WARS2: variants seen among roughly 807,000 people sequenced by gnomAD.
WARS2 encodes the protein tryptophanyl tRNA synthetase 2, mitochondrial.
A neutral mutation model predicts 36.5 loss-of-function variants in WARS2; 28 were observed. The observed-to-expected ratio is 0.77, with a 90% CI of 0.57 to 1.05. The LOEUF is 1.05. Ranked by LOEUF, WARS2 falls within the 50% of genes least tolerant of loss-of-function variation. The pLI, the probability that WARS2 is intolerant of heterozygous loss-of-function variation, is 0.00. For missense variants in WARS2, 435 were observed against 456.8 expected (o/e 0.95, Z 0.44); for synonymous variants, 174 against 178.4 (o/e 0.98, Z 0.20).
intron 2 of WARS2, among the ~76,000 whole-genome samples, chr1:119,069,169 T>C (rs1448021306): frequency 6.6e-6 from 1 of 152,184 alleles, no homozygotes; most frequent in Non-Finnish European, 1.5e-5. Flanking sequence ...CTTTATAATT[T>C]AGCTGTAAGT....
intron 1 of WARS2, among the ~76,000 whole-genome samples, chr1:119,103,488 T>A (rs745788145): frequency 3.3e-5 from 5 of 152,154 alleles, no homozygotes; most frequent in Non-Finnish European, 7.3e-5. Flanking sequence ...ATTTTAATTA[T>A]CATATGCCAC....
At chr1:119,095,673 C>T (rs1466141524) in intron 1 of WARS2, among the ~76,000 whole-genome samples, 2 of 152,164 alleles carry the variant, frequency 1.3e-5, no homozygotes, top group South Asian at 2.1e-4. Context: ...CCTCGTGATC[C>T]ACCTGCCTCG....
At chr1:119,133,254 T>C (rs780966996) in intron 1 of WARS2, among the ~76,000 whole-genome samples, 36 of 152,208 alleles carry the variant, frequency 2.4e-4, no homozygotes, top group Non-Finnish European at 4.1e-4. Context: ...TCATAATTCA[T>C]TGAGCGAAAC....
At chr1:119,081,170 A>G (rs1245103290) in intron 1 of WARS2, among the ~76,000 whole-genome samples, 1 of 152,210 alleles carries the variant, frequency 6.6e-6, no homozygotes, top group Non-Finnish European at 1.5e-5. Context: ...GACATAGCTG[A>G]AACTATTCCT....
At chr1:119,038,283 T>C (rs1224710760) in intron 4 of WARS2, among the ~76,000 whole-genome samples, 1 of 152,148 alleles carries the variant, frequency 6.6e-6, no homozygotes, top group Non-Finnish European at 1.5e-5. Context: ...ACTACAGAAA[T>C]GAGTAGCTTC....
chr1:119,056,186 A>AT (rs751264352), intron 2 of WARS2, among the ~76,000 whole-genome samples: 17,164 of 116,112 alleles, frequency 0.15, 1,380 homozygotes, highest in Non-Finnish European at 0.17. Context: ...TGCCTGGCTA[A>AT]TTTTTTTTTT....
At chr1:119,041,493 C>T (rs1019632265) in intron 4 of WARS2, among the ~76,000 whole-genome samples, 2 of 152,164 alleles carry the variant, frequency 1.3e-5, no homozygotes, top group African/African-American at 4.8e-5. Flanking sequence ...AGGAAAAGTA[C>T]AGGTACCCTA....
At chr1:119,085,833 C>G in intron 1 of WARS2, 1 of 1,610,448 alleles carries the variant, frequency 6.2e-7, no homozygotes, top group African/African-American at 1.3e-5. Context: ...AGGAAGCCCT[C>G]CCAGGAAGAT....
rs1198534426 is a variant in WARS2, at chr1:119,077,867, C to A, written c.91-1260G>T. On this transcript the variant is annotated intron_variant, in intron 1 of 5. Coordinates refer to ENST00000235521, the MANE Select transcript of WARS2 (RefSeq NM_015836.4). Reference sequence around the variant, plus strand: ...GTATGTATCAATAAATATACTGTAACTAAAAGGCCCTGAGAAAATATAATG... The same window carrying A: ...GTATGTATCAATAAATATACTGTAAATAAAAGGCCCTGAGAAAATATAATG... 3.3e-5 allele frequency among the ~76,000 whole-genome samples: 5 copies of A among 152,078 alleles called. No individual in the cohort carries two copies. In the South Asian group the frequency reaches 1.0e-3, roughly 32 times the overall value.
intron 1 of WARS2, among the ~76,000 whole-genome samples, chr1:119,110,295 T>A (rs1256186611): frequency 6.6e-6 from 1 of 152,106 alleles, no homozygotes; most frequent in Admixed American, 6.5e-5. Flanking sequence ...AGAACTTCTT[T>A]TAACATTTCT....
intron 4 of WARS2, among the ~76,000 whole-genome samples, chr1:119,035,557 A>C (rs913654830): frequency 4.6e-5 from 7 of 152,208 alleles, no homozygotes; most frequent in African/African-American, 1.7e-4. Flanking sequence ...AATAAAGGTA[A>C]AATGAAGGAC....
intron 4 of WARS2, among the ~76,000 whole-genome samples, chr1:119,035,454 CG>C (rs1219237517): frequency 6.6e-6 from 1 of 151,628 alleles, no homozygotes; most frequent in African/African-American, 2.4e-5. Flanking sequence ...ATGGATAACA[CG>C]TATACTAATT....
chr1:119,058,689 T>C (rs1222378414), intron 2 of WARS2, among the ~76,000 whole-genome samples: 1 of 125,344 alleles, frequency 8.0e-6, no homozygotes, highest in Admixed American at 7.3e-5. Context: ...GTGCCACATT[T>C]TCTTAATCCA....
intron 1 of WARS2, 22 bp from the exon 2 acceptor site, chr1:119,076,629 A>C (rs774400311): frequency 1.2e-6 from 2 of 1,613,096 alleles, no homozygotes; most frequent in South Asian, 1.1e-5. Flanking sequence ...GAAAACAAGC[A>C]TATTTGCTTT....
At chr1:119,131,972 G>C (rs1656149807) in intron 1 of WARS2, among the ~76,000 whole-genome samples, 1 of 152,018 alleles carries the variant, frequency 6.6e-6, no homozygotes, top group Non-Finnish European at 1.5e-5. Context: ...AAGAGAGAAA[G>C]GTTGTTGGAT....
intron 2 of WARS2, among the ~76,000 whole-genome samples, chr1:119,054,550 CAT>C (rs954759218): frequency 4.6e-5 from 7 of 152,042 alleles, no homozygotes; most frequent in Non-Finnish European, 1.0e-4. Flanking sequence ...TTCCATTTCT[CAT>C]ATATATACAT....
At chr1:119,085,428 T>C in intron 1 of WARS2, 1 of 1,488,716 alleles carries the variant, frequency 6.7e-7, no homozygotes, top group Non-Finnish European at 9.2e-7. Flanking sequence ...TTGCTCTGCC[T>C]GTACCTCCCA....
intron 3 of WARS2, among the ~76,000 whole-genome samples, chr1:119,044,181 T>C (rs980596103): frequency 2.0e-5 from 3 of 152,206 alleles, no homozygotes; most frequent in Non-Finnish European, 4.4e-5. Flanking sequence ...CAGAAGACAG[T>C]AACATATCTG....
intron 1 of WARS2, chr1:119,126,556 C>A: frequency 1.7e-6 from 1 of 580,298 alleles, no homozygotes; most frequent in South Asian, 1.8e-5. Context: ...GATTCTTGGA[C>A]TAGTGGTTCA....
Sources: allele counts gnomAD v4.1 joint callset (sites outside exome capture counted in the v4.1 genomes callset), GRCh38; gene constraint gnomAD v4.1.1; transcripts MANE v1.5; gene names NCBI Gene and HGNC (gene_info 2026-07-23, HGNC 2026-07-21).